ASCC1: variants seen among roughly 807,000 people sequenced by gnomAD.
ASCC1 encodes the protein activating signal cointegrator 1 complex subunit 1.
ASCC1 carries 35 observed loss-of-function variants against 46.6 expected under a neutral mutation model. The ratio of observed to expected loss-of-function variants is 0.75; its 90% confidence interval spans 0.57 to 0.99. ASCC1 has a LOEUF of 0.99. Ranked by LOEUF, ASCC1 falls within the 50% of genes least tolerant of loss-of-function variation. ASCC1 has a pLI of 0.00. For missense variants in ASCC1, 376 were observed against 428.7 expected (o/e 0.88, Z 1.09); for synonymous variants, 143 against 146.6 (o/e 0.98, Z 0.18).
intron 7 of ASCC1, among the ~76,000 whole-genome samples, chr10:72,139,108 CTTTTTCTTT>C (rs1780557816): frequency 6.9e-6 from 1 of 144,770 alleles, no homozygotes; most frequent in African/African-American, 2.7e-5. Flanking sequence ...TTTCTTTTTT[CTTTTTCTTT>C]TTTTTTTTTT....
At chr10:72,188,121 C>CTTTTTTTTTT (rs1169395541) in intron 5 of ASCC1, among the ~76,000 whole-genome samples, 1 of 124,448 alleles carries the variant, frequency 8.0e-6, no homozygotes, top group Non-Finnish European at 1.7e-5. Context: ...AATACTTCTT[C>CTTTTTTTTTT]TTTTTTTTTT....
intron 5 of ASCC1, among the ~76,000 whole-genome samples, chr10:72,184,968 C>G (rs766829690): frequency 6.6e-6 from 1 of 152,028 alleles, no homozygotes; most frequent in Non-Finnish European, 1.5e-5. Flanking sequence ...AATATTTGAA[C>G]AGGTACTTCA....
At chr10:72,186,850 C>T (rs930239067) in intron 5 of ASCC1, among the ~76,000 whole-genome samples, 1 of 144,556 alleles carries the variant, frequency 6.9e-6, no homozygotes, top group African/African-American at 2.6e-5. Context: ...CTCATTCTGG[C>T]GAAATCAAAG....
intron 4 of ASCC1, among the ~76,000 whole-genome samples, chr10:72,201,250 T>C (rs1856447404): frequency 6.6e-6 from 1 of 152,088 alleles, no homozygotes; most frequent in Non-Finnish European, 1.5e-5. Context: ...TGGTCTCAAG[T>C]GATCCTCCCA....
intron 5 of ASCC1, among the ~76,000 whole-genome samples, chr10:72,165,770 A>C (rs1240419608): frequency 6.6e-6 from 1 of 152,232 alleles, no homozygotes; most frequent in African/African-American, 2.4e-5. Context: ...AGGAAGGCTA[A>C]GTGCAAGGCT....
intron 3 of ASCC1, chr10:72,204,347 A>G (rs1217502812): frequency 1.3e-6 from 2 of 1,539,832 alleles, no homozygotes; most frequent in East Asian, 2.5e-5. Context: ...CGACTACCCC[A>G]TGAAGACGGG....
intron 8 of ASCC1, among the ~76,000 whole-genome samples, chr10:72,132,436 G>A (rs1845719986): frequency 6.6e-6 from 1 of 152,084 alleles, no homozygotes; most frequent in Admixed American, 6.5e-5. Flanking sequence ...TTATAAAAAG[G>A]CTCAGAGTCC....
intron 5 of ASCC1, among the ~76,000 whole-genome samples, chr10:72,175,940 T>C (rs1450868231): frequency 1.3e-5 from 2 of 152,234 alleles, no homozygotes; most frequent in African/African-American, 4.8e-5. Context: ...CACTCCTTCC[T>C]TCCCCTCCAT....
intron 9 of ASCC1, chr10:72,102,208 G>T: frequency 1.3e-6 from 1 of 766,108 alleles, no homozygotes; most frequent in Non-Finnish European, 2.2e-6. Context: ...AAAAATCAGT[G>T]ATGATGGGTC....
chr10:72,145,287 T>C (rs546553376), intron 7 of ASCC1, among the ~76,000 whole-genome samples: 1 of 152,350 alleles, frequency 6.6e-6, no homozygotes, highest in South Asian at 2.1e-4. Flanking sequence ...CTTTTTCCTC[T>C]TATCTACTGC....
chr10:72,183,688 T>C (rs1317538591), intron 5 of ASCC1, among the ~76,000 whole-genome samples: 1 of 151,870 alleles, frequency 6.6e-6, no homozygotes, highest in Non-Finnish European at 1.5e-5. Context: ...ATAAAGAAAC[T>C]ATAAATGCCA....
In ASCC1 at chr10:72,152,969, G is replaced by T. The variant is rs1848543351; in HGVS notation, c.646C>A (p.Pro216Thr). 1.9e-6 allele frequency: 3 copies of T among 1,614,052 alleles called. No individual in the cohort carries two copies. The highest frequency in any genetic ancestry group is 1.1e-5 in the South Asian group (1 of 91,082). Residue 216 changes from proline (P) to threonine (T), a missense_variant, in exon 7 of 10, where the codon CCC (proline) becomes ACC (threonine). Coordinates refer to ENST00000672957, the MANE Select transcript of ASCC1 (RefSeq NM_001198800.3). ...ATCCCTGCCATCTCCACTTCTAGGG[G>T]TTTACCCCCAGAAATATCACTGCAA... ...EFINDISGGKPLEVEMAGIEY... is the reference protein window; with the variant it reads ...EFINDISGGKTLEVEMAGIEY...
intron 7 of ASCC1, among the ~76,000 whole-genome samples, chr10:72,145,192 ATCTTC>A (rs757456262): frequency 6.6e-6 from 1 of 152,020 alleles, no homozygotes; most frequent in Non-Finnish European, 1.5e-5. Flanking sequence ...TTCTTTTAAG[ATCTTC>A]TCTTTGTCTT....
intron 7 of ASCC1, 118 bp from the exon 8 acceptor site, chr10:72,133,299 C>A (rs946688993): frequency 8.8e-6 from 9 of 1,026,178 alleles, no homozygotes; most frequent in African/African-American, 1.6e-5. Context: ...CAAAGCCCTG[C>A]ATCACAGGAG....
chr10:72,149,242 T>G (rs1000563584), intron 7 of ASCC1, among the ~76,000 whole-genome samples: 5 of 151,678 alleles, frequency 3.3e-5, no homozygotes, highest in African/African-American at 7.3e-5. Context: ...ATCAAGACCA[T>G]CCTGGCTGAC....
intron 4 of ASCC1, among the ~76,000 whole-genome samples, chr10:72,200,805 AG>A (rs1300963811): frequency 6.6e-6 from 1 of 152,212 alleles, no homozygotes; most frequent in Non-Finnish European, 1.5e-5. Context: ...CTTTAATAAA[AG>A]TCCTTCCAAA....
chr10:72,150,233 C>T (rs1364652785), intron 7 of ASCC1, among the ~76,000 whole-genome samples: 1 of 151,970 alleles, frequency 6.6e-6, no homozygotes, highest in Non-Finnish European at 1.5e-5. Flanking sequence ...CAAAATAGCT[C>T]CTATGCCATT....
rs527893163 is a variant in ASCC1 at position 72,106,059 on chromosome 10, G to A, written c.958-8609C>T. Among the ~76,000 whole-genome samples the A allele has an allele frequency of 2.0e-5, 3 of 152,154 alleles. No homozygotes were observed. The East Asian group carries it at 5.8e-4, about 29-fold the overall frequency. ...CACTTGGCTTTCCCAAATGAGGCTC[G>A]CTCTTTTCTTCAATCTTAGACAAAG... On this transcript the variant is annotated intron_variant, in intron 9 of 9. Coordinates refer to ENST00000672957, the MANE Select transcript of ASCC1 (RefSeq NM_001198800.3).
At chr10:72,135,685 G>A (rs1489983240) in intron 7 of ASCC1, among the ~76,000 whole-genome samples, 2 of 152,182 alleles carry the variant, frequency 1.3e-5, no homozygotes, top group Admixed American at 1.3e-4. Flanking sequence ...CTGTGTGGAG[G>A]ACAGACAGCA....
Sources: gnomAD v4.1 joint callset for allele counts (sites outside exome capture counted in the v4.1 genomes callset) on GRCh38, gnomAD v4.1.1 for gene constraint, MANE v1.5 for transcripts, NCBI Gene and HGNC (gene_info 2026-07-23, HGNC 2026-07-21) for gene names.